ARHGEF6: variants seen among roughly 807,000 people sequenced by gnomAD.
The protein encoded by ARHGEF6 is rho guanine nucleotide exchange factor 6.
In ARHGEF6, 9 loss-of-function variants were observed where a neutral mutation model predicts 70.3. The ratio of observed to expected loss-of-function variants is 0.13; its 90% CI spans 0.08 to 0.22. The LOEUF is 0.22. Ranked by LOEUF, ARHGEF6 falls within the 10% of genes least tolerant of loss-of-function variation. The probability of loss-of-function intolerance (pLI) is 1.00; values close to 1 mark genes in which losing one functional copy is unlikely to be tolerated. For missense variants in ARHGEF6, 470 were observed against 563.0 expected (o/e 0.83, Z 1.67); for synonymous variants, 201 against 207.8 (o/e 0.97, Z 0.28).
intron 7 of ARHGEF6, among the ~76,000 whole-genome samples, chrX:136,709,777 C>T (rs2148618639): frequency 8.9e-6 from 1 of 111,779 alleles, no homozygotes; most frequent in African/African-American, 3.2e-5. Context: ...CCAGCCTGGC[C>T]GACATGGTGA....
chrX:136,745,816 G>A (rs911664533), intron 3 of ARHGEF6, among the ~76,000 whole-genome samples: 1 of 112,089 alleles, frequency 8.9e-6, no homozygotes, highest in African/African-American at 3.2e-5. Context: ...TCCCTGATGT[G>A]TGTGGGGCAG....
Position 136,668,512 on chromosome X carries a change from T to TTTCTTCTTC in ARHGEF6, c.2191-352_2191-344dup, listed in dbSNP as rs546433801. Among the ~76,000 whole-genome samples, 471 of 98,384 alleles carry TTTCTTCTTC rather than the reference T, an allele frequency of 4.8e-3. 3 individuals are homozygous for TTTCTTCTTC. The highest frequency in any genetic ancestry group is 0.021 in the Middle Eastern group (4 of 193). 85.4% of individuals were successfully genotyped at this position (98,384 alleles called of 115,157 possible). A position where few individuals can be genotyped will look rare whatever the true frequency, so the allele number is the denominator to read the frequency against. Reference sequence around the variant, plus strand: ...CACAATCTCAACTGTCAGCCTGGTATTTCTTCTTCTTCTTCTTCTTCTTAT... The same window carrying TTTCTTCTTC: ...CACAATCTCAACTGTCAGCCTGGTATTTCTTCTTCTTCTTCTTCTTCTTCTTCTTCTTAT... On this transcript the variant is annotated intron_variant, in intron 21 of 21. Transcript: ENST00000250617.
intron 4 of ARHGEF6, among the ~76,000 whole-genome samples, chrX:136,744,160 T>C (rs1211829288): frequency 9.0e-6 from 1 of 111,304 alleles, no homozygotes; most frequent in Non-Finnish European, 1.9e-5. Context: ...ACACAAACAG[T>C]CCACATAATT....
intron 5 of ARHGEF6, chrX:136,737,280 G>A (rs2076995095): frequency 9.0e-6 from 1 of 111,003 alleles, no homozygotes; most frequent in South Asian, 3.8e-4. Flanking sequence ...GGGAGTTTGA[G>A]ACCAGCCTGA....
At chrX:136,767,446 C>A (rs1461558344) in intron 2 of ARHGEF6, 1 of 754,122 alleles carries the variant, frequency 1.3e-6, no homozygotes, top group Non-Finnish European at 1.6e-6. Context: ...TGTGCCGCGC[C>A]CGCAACCTCT....
chrX:136,767,927 G>T, intron 2 of ARHGEF6: 1 of 431,853 alleles, frequency 2.3e-6, no homozygotes, highest in Non-Finnish European at 2.9e-6. Context: ...GCCACACTGC[G>T]CATGCTGCTG....
chrX:136,709,461 C>T (rs1454638120), intron 7 of ARHGEF6, among the ~76,000 whole-genome samples: 1 of 112,666 alleles, frequency 8.9e-6, no homozygotes, highest in African/African-American at 3.2e-5. Context: ...CTTATTTTAA[C>T]CTTACAATAA....
intron 17 of ARHGEF6, 95 bp downstream of exon 17, chrX:136,677,841 G>A (rs2076295473): frequency 1.3e-6 from 1 of 748,338 alleles, no homozygotes; most frequent in Admixed American, 2.8e-5. Context: ...TTATAACAAG[G>A]GACAAAACAA....
rs1224244115 is a variant in ARHGEF6 at position 136,668,032 on chromosome X, T to C, written c.2328A>G (p.Pro776=). 6 of 1,210,283 alleles carry C rather than the reference T, an allele frequency of 5.0e-6. No homozygotes were observed. In the East Asian group the frequency reaches 1.2e-4, roughly 24 times the overall value. ...GESSSKTSIL[P] ...CCACCCAGTGGCACAGTGATGGTTA[T>C]GGAAGAATTGAGGTCTTGCTACTGG... The change falls in exon 22 of 22, where the codon CCA becomes CCG. Residue 776 remains proline, a synonymous_variant. Coordinates refer to ENST00000250617, the MANE Select transcript of ARHGEF6 (RefSeq NM_004840.3).
chrX:136,737,748 C>G (rs2077001731), intron 5 of ARHGEF6, among the ~76,000 whole-genome samples: 1 of 101,434 alleles, frequency 9.9e-6, no homozygotes, highest in African/African-American at 3.6e-5. Flanking sequence ...TTTTCTAGAC[C>G]AAACATAACA....
At chrX:136,767,077 T>C (rs765634334) in intron 2 of ARHGEF6, 13 of 744,865 alleles carry the variant, frequency 1.7e-5, no homozygotes, top group Middle Eastern at 1.5e-3. Context: ...AGGGGGTCCT[T>C]CGGCACCCAC....
intron 2 of ARHGEF6, among the ~76,000 whole-genome samples, chrX:136,764,875 T>A (rs1301879619): frequency 1.8e-5 from 2 of 112,350 alleles, no homozygotes; most frequent in Admixed American, 1.9e-4. Flanking sequence ...CTCTGGGTTA[T>A]AAGACCCCAA....
intron 15 of ARHGEF6, among the ~76,000 whole-genome samples, chrX:136,680,387 A>G (rs1047094427): frequency 1.8e-5 from 2 of 112,641 alleles, no homozygotes; most frequent in Admixed American, 9.4e-5. Context: ...GTTTCGACTT[A>G]GCCCACTGTT....
At chrX:136,749,072 T>A (rs1254383666) in intron 2 of ARHGEF6, among the ~76,000 whole-genome samples, 2 of 111,982 alleles carry the variant, frequency 1.8e-5, no homozygotes, top group Non-Finnish European at 3.8e-5. Flanking sequence ...ATTAATATAT[T>A]TCTGGTAAAA....
chrX:136,742,146 C>A (rs1276216509), intron 5 of ARHGEF6, among the ~76,000 whole-genome samples: 1 of 111,022 alleles, frequency 9.0e-6, no homozygotes, highest in Admixed American at 9.5e-5. Context: ...CGGTGAAACC[C>A]CATCTCTACT....
rs375664814 is a variant in ARHGEF6, at chrX:136,685,816, C to T, written c.1253G>A (p.Cys418Tyr). ...CTGTTTTCTCTTCCTCAGATCTTGACATTGCCCCTACAGAACCAAAGCAGA... is the reference window on the plus strand; with the variant it reads ...CTGTTTTCTCTTCCTCAGATCTTGATATTGCCCCTACAGAACCAAAGCAGA... ...IVAFKTLMGQCQDLRKRKQLE... is the reference protein window; with the variant it reads ...IVAFKTLMGQYQDLRKRKQLE... The change falls in exon 12 of 22, where the codon TGT becomes TAT. Residue 418 changes from cysteine to tyrosine, a missense_variant. Coordinates refer to ENST00000250617, the MANE Select transcript of ARHGEF6 (RefSeq NM_004840.3). 13 of 1,208,828 alleles carry T rather than the reference C, an allele frequency of 1.1e-5. No individual in the cohort carries two copies. The highest frequency in any genetic ancestry group is 2.3e-4 in the Middle Eastern group (1 of 4,375).
intron 2 of ARHGEF6, 142 bp from the exon 3 acceptor site, chrX:136,747,734 A>C: frequency 2.2e-6 from 1 of 453,812 alleles, no homozygotes; most frequent in East Asian, 3.8e-5. Flanking sequence ...AAACCTCCAT[A>C]TACCTTTGGG....
chrX:136,770,684 G>A (rs2077357186), intron 2 of ARHGEF6, among the ~76,000 whole-genome samples: 2 of 112,772 alleles, frequency 1.8e-5, no homozygotes, highest in Non-Finnish European at 3.7e-5. Flanking sequence ...TGGAAGTGAA[G>A]AATACAAGAT....
chrX:136,715,316 A>C (rs1475255562), intron 6 of ARHGEF6, among the ~76,000 whole-genome samples: 1 of 111,462 alleles, frequency 9.0e-6, no homozygotes, highest in Non-Finnish European at 1.9e-5. Context: ...AACACAACAT[A>C]CAAAAACTCA....
Sources: gnomAD v4.1 joint callset for allele counts (sites outside exome capture counted in the v4.1 genomes callset) on GRCh38, gnomAD v4.1.1 for gene constraint, MANE v1.5 for transcripts, NCBI Gene and HGNC (gene_info 2026-07-23, HGNC 2026-07-21) for gene names.